C17orf50: variants seen among roughly 807,000 people sequenced by gnomAD.
C17orf50 encodes uncharacterized protein C17orf50.
C17orf50 carries 16 observed loss-of-function variants against 17.7 expected under a neutral mutation model. That is an observed-to-expected ratio of 0.90 (90% CI 0.61 to 1.37). The LOEUF is 1.37. C17orf50 is among the 40% of genes most tolerant of loss of function. The probability of loss-of-function intolerance (pLI) is 0.00; values close to 1 mark genes in which losing one functional copy is unlikely to be tolerated. For missense variants in C17orf50, 271 were observed against 240.7 expected (o/e 1.13, Z -0.83); for synonymous variants, 125 against 111.0 (o/e 1.13, Z -0.80).
At chr17:35,760,992 G>A (rs782715641) in intron 1 of C17orf50, 38 bp downstream of exon 1, 3 of 1,601,452 alleles carry the variant, frequency 1.9e-6, no homozygotes, top group African/African-American at 2.7e-5. Flanking sequence ...CTGGAGGACA[G>A]GACCTCTTGA....
chr17:35,760,994 A>G (rs1555601396), intron 1 of C17orf50, 40 bp downstream of exon 1: 2 of 1,597,572 alleles, frequency 1.3e-6, no homozygotes, highest in South Asian at 2.3e-5. Context: ...GGAGGACAGG[A>G]CCTCTTGACC....
intron 1 of C17orf50, 23 bp from the exon 2 acceptor site, chr17:35,763,984 C>A: frequency 1.3e-6 from 2 of 1,523,794 alleles, no homozygotes; most frequent in Non-Finnish European, 8.8e-7. Flanking sequence ...GCAGGACTGC[C>A]CTGACCTCCT....
intron 1 of C17orf50, 145 bp downstream of exon 1, chr17:35,761,099 ATTTTTTTTTT>A: frequency 7.9e-6 from 4 of 505,698 alleles, no homozygotes; most frequent in Non-Finnish European, 9.5e-6. Context: ...GCCTTCCTGA[ATTTTTTTTTT>A]TTTTTTTTTT....
In C17orf50 at chr17:35,764,913, T is replaced by A. The variant is rs187126644; in HGVS notation, c.*295T>A. On this transcript the variant is annotated 3_prime_UTR_variant, in exon 3 of 3. Transcript: ENST00000605587. ...ACCAGCGCCACCGCACACCTGACTCTGTCCGCTCACACAGCCTCACCTTCA... is the reference window on the plus strand; with the variant it reads ...ACCAGCGCCACCGCACACCTGACTCAGTCCGCTCACACAGCCTCACCTTCA... 13 of 226,918 alleles carry A rather than the reference T, an allele frequency of 5.7e-5. No individual in the cohort carries two copies. Among genetic ancestry groups the A allele is most frequent in the Non-Finnish European group, 1.0e-4 (12 of 116,290 alleles). 14.1% of individuals were successfully genotyped at this position (226,918 alleles called of 1,614,324 possible).
In C17orf50 at chr17:35,764,228, A is replaced by AC. The variant is rs1316942175; in HGVS notation, c.238dup (p.Gln80ProfsTer88). On this transcript the variant is annotated frameshift_variant, in exon 2 of 3. Coordinates refer to ENST00000605587, the MANE Select transcript of C17orf50 (RefSeq NM_145272.4). LOFTEE classifies it high-confidence loss of function. ...CTGCCCGCTGCGCCAGGAGTCCAGCACCCAGCAGGTGGCGCTGCTGCGGCG... is the reference window on the plus strand; with the variant it reads ...CTGCCCGCTGCGCCAGGAGTCCAGCACCCCAGCAGGTGGCGCTGCTGCGGCG... The AC allele has an allele frequency of 6.5e-6, 10 of 1,544,504 alleles. No individual in the cohort carries two copies. In the South Asian group the frequency reaches 7.2e-5, roughly 11 times the overall value.
intron 1 of C17orf50, among the ~76,000 whole-genome samples, chr17:35,761,758 A>C (rs1230975633): frequency 6.6e-6 from 1 of 152,084 alleles, no homozygotes; most frequent in African/African-American, 2.4e-5. Context: ...GCGGCTCCTC[A>C]CTGCTGAGAG....
At chr17:35,762,907 C>T (rs1318016371) in intron 1 of C17orf50, among the ~76,000 whole-genome samples, 4 of 152,096 alleles carry the variant, frequency 2.6e-5, no homozygotes, top group Admixed American at 6.5e-5. Flanking sequence ...GGGCAGATCA[C>T]GAGGTCAGAT....
intron 1 of C17orf50, 144 bp downstream of exon 1, chr17:35,761,098 A>ATT: frequency 4.2e-6 from 3 of 711,482 alleles, no homozygotes; most frequent in Non-Finnish European, 6.2e-6. Flanking sequence ...CGCCTTCCTG[A>ATT]ATTTTTTTTT....
chr17:35,763,925 T>TAAATAAATAAATAAAG (rs2085877258), intron 1 of C17orf50, 82 bp from the exon 2 acceptor site: 2 of 992,884 alleles, frequency 2.0e-6, no homozygotes, highest in African/African-American at 3.4e-5. Flanking sequence ...AATAAATAAA[T>TAAATAAATAAATAAAG]AAATAAATAA....
At position 35,764,098 on chromosome 17, in the gene C17orf50, G is replaced by A; in HGVS notation, c.105G>A (p.Glu35=). ...QEEGKEGSED[E]DEDNQRPLED... The stretch of plus-strand genomic sequence containing the variant: ...AAGGGAAGGAGGGGTCGGAGGACGA[G>A]GACGAGGACAACCAGAGGCCGCTGG... Residue 35 remains glutamate (E), a synonymous_variant, in exon 2 of 3, where the codon GAG becomes GAA. Transcript: ENST00000605587. The A allele has an allele frequency of 6.4e-7, 1 of 1,550,428 alleles. No individual in the cohort carries two copies. The highest frequency in any genetic ancestry group is 1.2e-5 in the South Asian group (1 of 84,028).
At chr17:35,761,571 A>T (rs985657019) in intron 1 of C17orf50, among the ~76,000 whole-genome samples, 1 of 151,856 alleles carries the variant, frequency 6.6e-6, no homozygotes, top group Non-Finnish European at 1.5e-5. Flanking sequence ...GAGCCACCAC[A>T]TCTGGCTCCA....
chr17:35,764,773 C>T lies in C17orf50; in HGVS notation c.*155C>T. The T allele has an allele frequency of 1.3e-6, 1 of 798,650 alleles. No homozygotes were observed. The highest frequency in any genetic ancestry group is 2.1e-5 in the South Asian group (1 of 47,044). The allele number at this position is 798,650 out of a possible 1,614,324, so 49.5% of individuals were successfully genotyped here. A position where few individuals can be genotyped will look rare whatever the true frequency, so the allele number is the denominator to read the frequency against. Reference sequence around the variant, plus strand: ...AGAGCGCCCCCATCCGTCAAGAAGGCCCACTGTTGGTGCTTGGTTCCCATC... The same window carrying T: ...AGAGCGCCCCCATCCGTCAAGAAGGTCCACTGTTGGTGCTTGGTTCCCATC... On this transcript the variant is annotated 3_prime_UTR_variant, in exon 3 of 3. Transcript: ENST00000605587.
chr17:35,763,202 G>A (rs2085859132), intron 1 of C17orf50, among the ~76,000 whole-genome samples: 1 of 151,994 alleles, frequency 6.6e-6, no homozygotes, highest in Non-Finnish European at 1.5e-5. Context: ...GGGAGACCTA[G>A]GCAGGAGGGC....
Position 35,764,645 on chromosome 17 carries a change from C to T in C17orf50, c.*27C>T. 5 of 1,544,522 alleles carry T rather than the reference C, an allele frequency of 3.2e-6. No individual in the cohort carries two copies. In the South Asian group the frequency reaches 4.9e-5, roughly 15 times the overall value. On this transcript the variant is annotated 3_prime_UTR_variant, in exon 3 of 3. Transcript: ENST00000605587. ...CGCCCCCGCTCCCAGCCTTTGTGCC[C>T]TCCATCATTTCCTGGCCCCAGACCC...
At chr17:35,761,014 A>G (rs1326467994) in intron 1 of C17orf50, 60 bp downstream of exon 1, 18 of 1,565,256 alleles carry the variant, frequency 1.1e-5, no homozygotes, top group Non-Finnish European at 1.6e-5. Flanking sequence ...CCTAGCTTGG[A>G]CAATCCAGCC....
intron 1 of C17orf50, among the ~76,000 whole-genome samples, chr17:35,762,931 G>T (rs2085850552): frequency 6.6e-6 from 1 of 152,106 alleles, no homozygotes; most frequent in Non-Finnish European, 1.5e-5. Context: ...GACCATCCTG[G>T]CAAACATGGT....
At chr17:35,761,033 T>C in intron 1 of C17orf50, 79 bp downstream of exon 1, 3 of 1,482,414 alleles carry the variant, frequency 2.0e-6, no homozygotes, top group South Asian at 2.7e-5. Context: ...CCCATCACCA[T>C]GAAGTCCAAC....
chr17:35,761,594 C>T (rs1484854261), intron 1 of C17orf50, among the ~76,000 whole-genome samples: 2 of 151,980 alleles, frequency 1.3e-5, no homozygotes, highest in Admixed American at 1.3e-4. Context: ...ATAGTCTTAA[C>T]ATCTGCTTCA....
intron 1 of C17orf50, among the ~76,000 whole-genome samples, chr17:35,762,972 A>G (rs1406163724): frequency 6.6e-6 from 1 of 152,072 alleles, no homozygotes; most frequent in Non-Finnish European, 1.5e-5. Context: ...AATACAAAAA[A>G]TTAGCTGGGC....
Sources: allele counts gnomAD v4.1 joint callset (sites outside exome capture counted in the v4.1 genomes callset), GRCh38; gene constraint gnomAD v4.1.1; transcripts MANE v1.5; gene names NCBI Gene and HGNC (gene_info 2026-07-23, HGNC 2026-07-21).